The following DYNC1I2 variants were observed in gnomAD, a reference collection of about 807,000 sequenced individuals.
DYNC1I2 encodes the protein dynein cytoplasmic 1 intermediate chain 2.
In DYNC1I2, 53 loss-of-function variants were observed where a neutral mutation model predicts 88.6. The ratio of observed to expected loss-of-function variants is 0.60; its 90% CI spans 0.48 to 0.75. The LOEUF (loss-of-function observed/expected upper bound fraction) is 0.75, where lower values mean the gene tolerates loss of function less well. Ranked by LOEUF, DYNC1I2 falls within the 30% of genes least tolerant of loss-of-function variation. The pLI is 0.00. For missense variants in DYNC1I2, 458 were observed against 766.6 expected, an observed-to-expected ratio of 0.60 and a Z score of 4.75; for synonymous variants, 198 against 254.6, an observed-to-expected ratio of 0.78 and a Z score of 2.12.
chr2:171,747,385 G>A (rs909300357), intron 17 of DYNC1I2, among the ~76,000 whole-genome samples: 3 of 151,592 alleles, frequency 2.0e-5, no homozygotes, highest in Non-Finnish European at 2.9e-5. Flanking sequence ...TACAAGAAAC[G>A]AGCCCCCTTA....
At chr2:171,697,490 G>A (rs1685863375) in intron 3 of DYNC1I2, among the ~76,000 whole-genome samples, 1 of 152,038 alleles carries the variant, frequency 6.6e-6, no homozygotes, top group South Asian at 2.1e-4. Context: ...CTTTAAACTG[G>A]AAGTTAGATT....
intron 5 of DYNC1I2, among the ~76,000 whole-genome samples, chr2:171,709,614 A>G: frequency 6.6e-6 from 1 of 152,334 alleles, no homozygotes; most frequent in Non-Finnish European, 1.5e-5. Context: ...CAAATAGTTA[A>G]TATTTTTTAA....
At chr2:171,707,039 T>TA in intron 4 of DYNC1I2, 1 of 590,100 alleles carries the variant, frequency 1.7e-6, no homozygotes, top group Non-Finnish European at 2.9e-6. Context: ...CTTGCCTTTT[T>TA]AAAAAAATTA....
rs1025264198 is a variant in DYNC1I2 at position 171,715,463 on chromosome 2, A to G, written c.511+20A>G. 1 of 1,445,252 alleles carries G rather than the reference A, an allele frequency of 6.9e-7. No individual in the cohort carries two copies. The highest frequency in any genetic ancestry group is 9.5e-7 in the Non-Finnish European group (1 of 1,051,470). The allele number at this position is 1,445,252 out of a possible 1,614,324, so 89.5% of individuals were successfully genotyped here. A position where few individuals can be genotyped will look rare whatever the true frequency, so the allele number is the denominator to read the frequency against. The stretch of plus-strand genomic sequence containing the variant: ...AAGAAGGTGAATATCTATCCTTAGT[A>G]TAATTGTCATTGAGCACCTATGTTA... On this transcript the variant is annotated intron_variant, in intron 7 of 17. Coordinates refer to ENST00000397119, the MANE Select transcript of DYNC1I2 (RefSeq NM_001378.3).
At chr2:171,733,459 C>CTTTTTTTTTTGTTTTTT (rs1688766007) in intron 15 of DYNC1I2, among the ~76,000 whole-genome samples, 1 of 55,772 alleles carries the variant, frequency 1.8e-5, no homozygotes. Context: ...TTGCCAGCAT[C>CTTTTTTTTTTGTTTTTT]TTTTTTTTTT....
intron 15 of DYNC1I2, among the ~76,000 whole-genome samples, chr2:171,732,134 C>T (rs775790106): frequency 5.9e-5 from 9 of 152,150 alleles, no homozygotes; most frequent in Admixed American, 1.3e-4. Flanking sequence ...GAGTCCAAGG[C>T]GGGTGGATCA....
chr2:171,748,841 A>C lies in DYNC1I2; in HGVS notation c.*952A>C, dbSNP rs1038879889. Among the ~76,000 whole-genome samples, 2 of 152,218 alleles carry C rather than the reference A, an allele frequency of 1.3e-5. No homozygotes were observed. The highest frequency in any genetic ancestry group is 4.8e-5 in the African/African-American group (2 of 41,470). ...GACCCATACTTTGGCATTAAAATCT[A>C]CATCTTGAGATCTGTTGCCACAGCA... On this transcript the variant is annotated 3_prime_UTR_variant, in exon 18 of 18. Coordinates refer to ENST00000397119, the MANE Select transcript of DYNC1I2 (RefSeq NM_001378.3).
chr2:171,689,882 C>CTTTTTTTTTTTT (rs10716223), intron 1 of DYNC1I2, among the ~76,000 whole-genome samples: 1 of 54,156 alleles, frequency 1.8e-5, no homozygotes, highest in Non-Finnish European at 3.3e-5. Flanking sequence ...TTTTTCTTGC[C>CTTTTTTTTTTTT]TTTTTTTTTT....
Position 171,690,277 on chromosome 2 carries a change from T to G in DYNC1I2, c.108+14T>G, listed in dbSNP as rs1559358571. 3 of 1,526,168 alleles carry G rather than the reference T, an allele frequency of 2.0e-6. No homozygotes were observed. The highest frequency in any genetic ancestry group is 8.8e-7 in the Non-Finnish European group (1 of 1,131,122). The allele number at this position is 1,526,168 out of a possible 1,614,324, so 94.5% of individuals were successfully genotyped here. On this transcript the variant is annotated intron_variant, in intron 2 of 17. Transcript: ENST00000397119. ...AAAAAAAAAGAAGTATGTTTGATTT[T>G]TTTGCTTAAATAAACAACATAAAGT...
intron 3 of DYNC1I2, among the ~76,000 whole-genome samples, chr2:171,702,549 T>A (rs1195310123): frequency 4.2e-5 from 3 of 71,220 alleles, no homozygotes; most frequent in African/African-American, 1.5e-4. Flanking sequence ...TTCTTTTCAA[T>A]ATAGAATGTA....
intron 7 of DYNC1I2, among the ~76,000 whole-genome samples, chr2:171,717,651 AATATT>A (rs1205816139): frequency 6.6e-6 from 1 of 152,116 alleles, no homozygotes; most frequent in African/African-American, 2.4e-5. Context: ...ATTTCTAGAA[AATATT>A]ATTTTGTTAA....
intron 17 of DYNC1I2, among the ~76,000 whole-genome samples, chr2:171,746,506 AC>A (rs1190112115): frequency 6.6e-6 from 1 of 152,102 alleles, no homozygotes; most frequent in East Asian, 1.9e-4. Flanking sequence ...TAAAAAAGTG[AC>A]CTTAGTCACT....
intron 15 of DYNC1I2, among the ~76,000 whole-genome samples, chr2:171,739,850 C>T (rs1396949539): frequency 7.9e-5 from 12 of 151,672 alleles, no homozygotes; most frequent in African/African-American, 1.5e-4. Context: ...GGATCACAGG[C>T]GCCCGCCACC....
At chr2:171,713,404 TTTTC>T (rs2105589679) in intron 6 of DYNC1I2, among the ~76,000 whole-genome samples, 1 of 151,874 alleles carries the variant, frequency 6.6e-6, no homozygotes, top group East Asian at 1.9e-4. Flanking sequence ...AAATAGGTTC[TTTTC>T]TTTCTTCCTT....
At chr2:171,714,022 C>G (rs1687313701) in intron 6 of DYNC1I2, among the ~76,000 whole-genome samples, 1 of 152,024 alleles carries the variant, frequency 6.6e-6, no homozygotes, top group Non-Finnish European at 1.5e-5. Context: ...TAATTGATTC[C>G]TAATATTGTT....
At chr2:171,741,557 A>T (rs940585886) in intron 15 of DYNC1I2, among the ~76,000 whole-genome samples, 1 of 152,174 alleles carries the variant, frequency 6.6e-6, no homozygotes, top group East Asian at 1.9e-4. Flanking sequence ...AGGCTATTGT[A>T]AGCACTGTGG....
intron 15 of DYNC1I2, among the ~76,000 whole-genome samples, chr2:171,734,922 C>G (rs1321796478): frequency 2.6e-5 from 4 of 152,188 alleles, no homozygotes; most frequent in African/African-American, 4.8e-5. Context: ...TAAATAATCT[C>G]TCTTTAAACA....
At chr2:171,731,918 A>G (rs1237691289) in intron 15 of DYNC1I2, among the ~76,000 whole-genome samples, 1 of 152,246 alleles carries the variant, frequency 6.6e-6, no homozygotes, top group African/African-American at 2.4e-5. Flanking sequence ...GAAACCGCTC[A>G]GTGAGCCTTC....
intron 3 of DYNC1I2, among the ~76,000 whole-genome samples, chr2:171,698,489 A>G (rs1478805762): frequency 3.3e-5 from 5 of 151,968 alleles, no homozygotes; most frequent in African/African-American, 9.7e-5. Context: ...GGCTTAAGCA[A>G]TTCTCCCACT....
Sources: gnomAD v4.1 joint callset for allele counts (sites outside exome capture counted in the v4.1 genomes callset) on GRCh38, gnomAD v4.1.1 for gene constraint, MANE v1.5 for transcripts, NCBI Gene and HGNC (gene_info 2026-07-23, HGNC 2026-07-21) for gene names.